CSGALNACT1: variants seen among roughly 807,000 people sequenced by gnomAD.
The protein encoded by CSGALNACT1 is chondroitin sulfate N-acetylgalactosaminyltransferase 1, also known as beta4GalNAcT-1.
A neutral mutation model predicts 51.0 loss-of-function variants in CSGALNACT1; 52 were observed. The ratio of observed to expected loss-of-function variants is 1.02; its 90% CI spans 0.82 to 1.29. The LOEUF (loss-of-function observed/expected upper bound fraction) is 1.29, where lower values mean the gene tolerates loss of function less well. Ranked by LOEUF, CSGALNACT1 falls within the 50% of genes most tolerant of loss-of-function variation. The pLI, the probability that CSGALNACT1 is intolerant of heterozygous loss-of-function variation, is 0.00. For missense variants in CSGALNACT1, 935 were observed against 679.2 expected, an observed-to-expected ratio of 1.38 and a Z score of -4.19; for synonymous variants, 341 against 254.4, an observed-to-expected ratio of 1.34 and a Z score of -3.24.
chr8:19,547,659 G>C (rs549706329), intron 3 of CSGALNACT1, among the ~76,000 whole-genome samples: 2 of 152,176 alleles, frequency 1.3e-5, no homozygotes, highest in East Asian at 1.9e-4. Flanking sequence ...ACCCAGTCTC[G>C]GGTATATCTT....
intron 1 of CSGALNACT1, among the ~76,000 whole-genome samples, chr8:19,607,763 G>A (rs530950365): frequency 9.4e-4 from 143 of 152,314 alleles, no homozygotes; most frequent in African/African-American, 3.4e-3. Context: ...ACTCCTGTGA[G>A]TCTCCACTTC....
At chr8:19,496,540 G>C (rs992853471) in intron 4 of CSGALNACT1, among the ~76,000 whole-genome samples, 2 of 152,168 alleles carry the variant, frequency 1.3e-5, no homozygotes, top group Non-Finnish European at 2.9e-5. Context: ...TCAGACTTCT[G>C]TTTCTGCTCC....
intron 6 of CSGALNACT1, among the ~76,000 whole-genome samples, chr8:19,431,976 G>C (rs566088992): frequency 2.6e-5 from 4 of 151,940 alleles, no homozygotes; most frequent in Admixed American, 2.6e-4. Context: ...CTATGAAGCT[G>C]TCTTTTAAAT....
intron 4 of CSGALNACT1, 64 bp downstream of exon 3, chr8:19,505,137 C>A (rs559203444): frequency 6.3e-7 from 1 of 1,595,554 alleles, no homozygotes; most frequent in South Asian, 1.1e-5. Flanking sequence ...CTGGAACCTG[C>A]CTGGGTGCCA....
At chr8:19,665,245 T>A (rs1045131657) in intron 1 of CSGALNACT1, among the ~76,000 whole-genome samples, 10 of 152,166 alleles carry the variant, frequency 6.6e-5, no homozygotes, top group African/African-American at 2.4e-4. Context: ...AAGAAAAAAA[T>A]ACCATTTTTA....
intron 3 of CSGALNACT1, among the ~76,000 whole-genome samples, chr8:19,543,108 C>A (rs1198694480): frequency 6.6e-6 from 1 of 152,110 alleles, no homozygotes; most frequent in African/African-American, 2.4e-5. Flanking sequence ...CTAACAAATA[C>A]TAGGCTCACG....
At chr8:19,690,057 G>T (rs538945976) in intron 1 of CSGALNACT1, among the ~76,000 whole-genome samples, 13 of 152,090 alleles carry the variant, frequency 8.5e-5, no homozygotes, top group Non-Finnish European at 1.5e-4. Flanking sequence ...ATTTTAACAG[G>T]ACTCAACAAA....
chr8:19,743,993 G>C (rs1040015303), intron 1 of CSGALNACT1, among the ~76,000 whole-genome samples: 1 of 152,108 alleles, frequency 6.6e-6, no homozygotes, highest in African/African-American at 2.4e-5. Flanking sequence ...GATCCAGAAA[G>C]CTGAGGTATG....
intron 6 of CSGALNACT1, among the ~76,000 whole-genome samples, chr8:19,437,596 G>A (rs778351477): frequency 6.6e-6 from 1 of 152,112 alleles, no homozygotes; most frequent in Non-Finnish European, 1.5e-5. Flanking sequence ...ACAGAATGAG[G>A]AGATCAACAC....
At chr8:19,611,044 C>G (rs575062393) in intron 1 of CSGALNACT1, among the ~76,000 whole-genome samples, 160 of 152,300 alleles carry the variant, frequency 1.1e-3, no homozygotes, top group Non-Finnish European at 1.7e-3. Context: ...CTCCCCCTGT[C>G]GCACGCCCTG....
intron 1 of CSGALNACT1, among the ~76,000 whole-genome samples, chr8:19,696,828 A>C (rs2061607969): frequency 6.6e-6 from 1 of 152,188 alleles, no homozygotes; most frequent in African/African-American, 2.4e-5. Context: ...TTACAGAGAA[A>C]GCTTAGATGG....
intron 3 of CSGALNACT1, among the ~76,000 whole-genome samples, chr8:19,582,010 C>A (rs1031904796): frequency 1.3e-5 from 2 of 152,168 alleles, no homozygotes; most frequent in African/African-American, 4.8e-5. Context: ...CCTACCAGCC[C>A]AGGCTGTATC....
At chr8:19,478,406 T>A (rs1485701882) in intron 4 of CSGALNACT1, among the ~76,000 whole-genome samples, 26 of 90,234 alleles carry the variant, frequency 2.9e-4, no homozygotes, top group African/African-American at 1.1e-3. Context: ...AGAGCGAGAC[T>A]CCGTCTCAAA....
chr8:19,461,495 C>T (rs1244977235), intron 4 of CSGALNACT1, among the ~76,000 whole-genome samples: 46 of 151,970 alleles, frequency 3.0e-4, no homozygotes, highest in African/African-American at 1.0e-3. Flanking sequence ...CCTATCCGCA[C>T]AGCAGCCACA....
At chr8:19,604,166 A>G (rs2051012086), upstream of CSGALNACT1, among the ~76,000 whole-genome samples, 1 of 152,204 alleles carries the variant, frequency 6.6e-6, no homozygotes, top group Admixed American at 6.5e-5. Context: ...TGAAGAGACT[A>G]GAAGGCAAAC....
intron 1 of CSGALNACT1, among the ~76,000 whole-genome samples, chr8:19,756,600 C>T (rs1476770292): frequency 6.6e-6 from 1 of 151,836 alleles, no homozygotes; most frequent in Non-Finnish European, 1.5e-5. Context: ...AAGATCATGC[C>T]CTCGAACAGC....
intron 3 of CSGALNACT1, among the ~76,000 whole-genome samples, chr8:19,533,185 T>C (rs1381431789): frequency 6.6e-6 from 1 of 152,144 alleles, no homozygotes; most frequent in African/African-American, 2.4e-5. Flanking sequence ...GACGATGTCA[T>C]AGCTCACCAC....
rs115861464 is a variant in CSGALNACT1 at position 19,519,999 on chromosome 8, G to C, written c.-296-13869C>G. ...CTGTGGCAATGCCGGCACCCACTCT[G>C]ATGAGTTCATGGAGGTGTTTTGCTG... On this transcript the variant is annotated intron_variant, in intron 3 of 9. Coordinates refer to ENST00000454498, the Ensembl canonical transcript of CSGALNACT1. Among the ~76,000 whole-genome samples the C allele has an allele frequency of 3.5e-3, 534 of 152,344 alleles. 4 individuals carry two copies. Among genetic ancestry groups the C allele is most frequent in the African/African-American group, 0.012 (503 of 41,580 alleles).
chr8:19,558,904 A>AT (rs1284320466), intron 3 of CSGALNACT1, among the ~76,000 whole-genome samples: 1 of 152,140 alleles, frequency 6.6e-6, no homozygotes, highest in African/African-American at 2.4e-5. Context: ...ATATAAAGGA[A>AT]TTTTTCTCAT....
Sources: gnomAD v4.1 joint callset for allele counts (sites outside exome capture counted in the v4.1 genomes callset) on GRCh38, gnomAD v4.1.1 for gene constraint, MANE v1.5 for transcripts, NCBI Gene and HGNC (gene_info 2026-07-23, HGNC 2026-07-21) for gene names.